NEXN: variants seen among roughly 807,000 people sequenced by gnomAD.
NEXN encodes nexilin F-actin binding protein.
In NEXN, 65 loss-of-function variants were observed where a neutral mutation model predicts 92.6. That is an observed-to-expected ratio of 0.70 (90% CI 0.57 to 0.86). NEXN has a LOEUF of 0.86. NEXN is among the 40% of genes least tolerant of loss of function. The pLI, the probability that NEXN is intolerant of heterozygous loss-of-function variation, is 0.00. For missense variants in NEXN, 778 were observed against 771.1 expected (o/e 1.01, Z -0.11); for synonymous variants, 254 against 242.5 (o/e 1.05, Z -0.44).
In NEXN at chr1:77,925,271, A is replaced by T. The variant is rs1366201662; in HGVS notation, c.489+42A>T. 3.0e-6 allele frequency: 4 copies of T among 1,353,264 alleles called. No homozygotes were observed. The Admixed American group carries it at 6.8e-5, about 23-fold the overall frequency. 83.8% of individuals were successfully genotyped at this position (1,353,264 alleles called of 1,614,324 possible). A position where few individuals can be genotyped will look rare whatever the true frequency, so the allele number is the denominator to read the frequency against. On this transcript the variant is annotated intron_variant, in intron 6 of 12. Coordinates refer to ENST00000334785, the MANE Select transcript of NEXN (RefSeq NM_144573.4). ...TTTAATGAAACATTCACCTAAAATT[A>T]TCTGATTCACAAATTATCTTTTAGT... is the stretch of plus-strand genomic sequence containing the variant.
At chr1:77,913,251 C>G (rs889991835) in intron 1 of NEXN, among the ~76,000 whole-genome samples, 6 of 152,096 alleles carry the variant, frequency 3.9e-5, no homozygotes, top group Non-Finnish European at 8.8e-5. Flanking sequence ...CCCATCTCTA[C>G]TACAAATACA....
rs187400973 is a variant in NEXN at position 77,937,784 on chromosome 1, A to G, written c.1473+1740A>G. On this transcript the variant is annotated intron_variant, in intron 11 of 12. Coordinates refer to ENST00000334785, the MANE Select transcript of NEXN (RefSeq NM_144573.4). ...ACAAGACATCAGTAACTAAACTTAC[A>G]GTCCCTGTTCATATAGTGTTTAGAA... Among the ~76,000 whole-genome samples, 446 of 152,364 alleles carry G rather than the reference A, an allele frequency of 2.9e-3. 6 individuals carry two copies. The highest frequency in any genetic ancestry group is 0.01 in the African/African-American group (421 of 41,596).
intron 1 of NEXN, among the ~76,000 whole-genome samples, chr1:77,895,310 G>A (rs1176594021): frequency 6.6e-6 from 1 of 152,024 alleles, no homozygotes; most frequent in Non-Finnish European, 1.5e-5. Context: ...CTCTGAAAGT[G>A]CTGGGATTAC....
At chr1:77,908,074 C>A (rs1339754755) in intron 1 of NEXN, among the ~76,000 whole-genome samples, 3 of 151,902 alleles carry the variant, frequency 2.0e-5, no homozygotes, top group African/African-American at 7.3e-5. Context: ...CAGAGTGAGA[C>A]CCCTGTCTCT....
intron 1 of NEXN, among the ~76,000 whole-genome samples, chr1:77,913,547 T>G: frequency 6.6e-6 from 1 of 152,108 alleles, no homozygotes; most frequent in Middle Eastern, 3.4e-3. Context: ...TTTATTCATT[T>G]AATATATATT....
rs572034277 is a variant in NEXN, at chr1:77,935,041, A to G, written c.1252-782A>G. Among the ~76,000 whole-genome samples, 3 of 152,232 alleles carry G rather than the reference A, an allele frequency of 2.0e-5. No homozygotes were observed. In the East Asian group the frequency reaches 5.8e-4, roughly 29 times the overall value. ...GCACAGTATCAGAGCCAGGACTAGA[A>G]CTCATATGACTCCTAGTCCAGTGTT... On this transcript the variant is annotated intron_variant, in intron 10 of 12. Transcript: ENST00000334785.
intron 5 of NEXN, among the ~76,000 whole-genome samples, chr1:77,919,463 C>A (rs1444386240): frequency 6.6e-6 from 1 of 152,078 alleles, no homozygotes; most frequent in East Asian, 1.9e-4. Context: ...ATGTATTTAC[C>A]CTGGATTTGC....
chr1:77,916,168 G>A, intron 2 of NEXN, 35 bp downstream of exon 2: 1 of 1,542,150 alleles, frequency 6.5e-7, no homozygotes, highest in Non-Finnish European at 8.9e-7. Context: ...AATAAAAGAG[G>A]GAAATGTAGA....
intron 5 of NEXN, among the ~76,000 whole-genome samples, chr1:77,922,386 C>T (rs1217778559): frequency 6.6e-6 from 1 of 151,938 alleles, no homozygotes; most frequent in East Asian, 1.9e-4. Context: ...GCCTCGGCCT[C>T]CCAAAGTGCT....
At chr1:77,940,163 T>C (rs1651141195) in intron 11 of NEXN, among the ~76,000 whole-genome samples, 2 of 152,250 alleles carry the variant, frequency 1.3e-5, no homozygotes, top group Admixed American at 1.3e-4. Flanking sequence ...TCCCAGCTCC[T>C]GTAGCACTTA....
chr1:77,902,122 A>G (rs552915428), intron 1 of NEXN, among the ~76,000 whole-genome samples: 1 of 152,294 alleles, frequency 6.6e-6, no homozygotes, highest in South Asian at 2.1e-4. Flanking sequence ...ATGTTTCTTG[A>G]AAAAACATCA....
chr1:77,941,899 T>C, intron 11 of NEXN, 124 bp from the exon 12 acceptor site: 3 of 924,912 alleles, frequency 3.2e-6, no homozygotes, highest in Non-Finnish European at 5.1e-6. Flanking sequence ...GTGTCTGCAG[T>C]GTAGCAAAAA....
chr1:77,918,207 C>T lies in NEXN; in HGVS notation c.381C>T (p.Arg127=). The T allele has an allele frequency of 6.2e-7, 1 of 1,613,800 alleles. No homozygotes were observed. Among genetic ancestry groups the T allele is most frequent in the Non-Finnish European group, 8.5e-7 (1 of 1,179,974 alleles). The change falls in exon 5 of 13, where the codon CGC becomes CGT. Residue 127 remains arginine (R), a synonymous_variant. Coordinates refer to ENST00000334785, the MANE Select transcript of NEXN (RefSeq NM_144573.4). ...AGAGAACGGAGGAGGAACGAAAACG[C>T]AGAATTGAGCAGGATATGTTAGAAA... ...QRKRTEEERK[R]RIEQDMLEKR...
intron 1 of NEXN, chr1:77,889,610 T>C (rs1647060361): frequency 6.6e-6 from 1 of 152,232 alleles, no homozygotes; most frequent in African/African-American, 2.4e-5. Flanking sequence ...AGTTGGTTAC[T>C]GCAGTGACTT....
At chr1:77,906,806 C>A (rs961757681) in intron 1 of NEXN, among the ~76,000 whole-genome samples, 1 of 151,914 alleles carries the variant, frequency 6.6e-6, no homozygotes, top group Non-Finnish European at 1.5e-5. Context: ...AGGGACATGC[C>A]ACCACACCCA....
intron 1 of NEXN, among the ~76,000 whole-genome samples, chr1:77,891,494 A>T (rs1043714485): frequency 6.6e-6 from 1 of 151,694 alleles, no homozygotes; most frequent in African/African-American, 2.4e-5. Context: ...TTACTCTTAG[A>T]TTAGAAGACA....
At chr1:77,910,535 G>A (rs1048699368) in intron 1 of NEXN, among the ~76,000 whole-genome samples, 1 of 152,018 alleles carries the variant, frequency 6.6e-6, no homozygotes, top group Admixed American at 6.6e-5. Context: ...GGCGGATCAC[G>A]AGGTCAGGAC....
intron 1 of NEXN, among the ~76,000 whole-genome samples, chr1:77,915,821 T>C (rs1648930694): frequency 6.6e-6 from 1 of 152,196 alleles, no homozygotes; most frequent in African/African-American, 2.4e-5. Flanking sequence ...GAACTTAGTA[T>C]GTTCATCAAG....
At chr1:77,930,250 G>A (rs1650181266) in intron 9 of NEXN, among the ~76,000 whole-genome samples, 1 of 152,178 alleles carries the variant, frequency 6.6e-6, no homozygotes, top group African/African-American at 2.4e-5. Flanking sequence ...TGCCCACACA[G>A]ATACTCAAAT....
Sources: allele counts gnomAD v4.1 joint callset (sites outside exome capture counted in the v4.1 genomes callset), GRCh38; gene constraint gnomAD v4.1.1; transcripts MANE v1.5; gene names NCBI Gene and HGNC (gene_info 2026-07-23, HGNC 2026-07-21).